Variants in SLC18A1 observed in about 807,000 individuals in gnomAD.
SLC18A1 encodes chromaffin granule amine transporter.
Under a neutral mutation model 53.7 loss-of-function variants are expected in SLC18A1, and 69 were observed. The observed-to-expected ratio is 1.28, with a 90% confidence interval of 1.06 to 1.57. The LOEUF (loss-of-function observed/expected upper bound fraction) is 1.57, where lower values mean the gene tolerates loss of function less well. Among genes scored for constraint, SLC18A1 ranks in the 40% most tolerant of loss-of-function variants. The pLI, the probability that SLC18A1 is intolerant of heterozygous loss-of-function variation, is 0.00. For synonymous variants in SLC18A1, 320 were observed against 248.1 expected, an observed-to-expected ratio of 1.29 and a Z score of -2.72; for missense variants, 932 against 668.1, an observed-to-expected ratio of 1.40 and a Z score of -4.35.
Position 20,165,117 on chromosome 8 carries a change from T to C in SLC18A1, c.859-10A>G, listed in dbSNP as rs1347762686. 3 of 1,613,042 alleles carry C rather than the reference T, an allele frequency of 1.9e-6. No homozygotes were observed. The highest frequency in any genetic ancestry group is 2.2e-5 in the East Asian group (1 of 44,870). On this transcript the variant is annotated splice_polypyrimidine_tract_variant and intron_variant, in intron 8 of 15. Transcript: ENST00000276373. Reference sequence around the variant, plus strand: ...GAGTCCCCTTGGCACTCTGAGAACATGGATAACAAAAAATGTCCATTTGTA... The same window carrying C: ...GAGTCCCCTTGGCACTCTGAGAACACGGATAACAAAAAATGTCCATTTGTA...
At chr8:20,164,092 T>G (rs1370861089) in intron 10 of SLC18A1, among the ~76,000 whole-genome samples, 1 of 152,188 alleles carries the variant, frequency 6.6e-6, no homozygotes, top group Non-Finnish European at 1.5e-5. Flanking sequence ...TTAGATTTAG[T>G]GCTTTTTATT....
chr8:20,147,504 A>C, intron 14 of SLC18A1, 99 bp downstream of exon 14: 1 of 1,583,314 alleles, frequency 6.3e-7, no homozygotes, highest in Non-Finnish European at 8.6e-7. Context: ...TCTCAGCGTC[A>C]AAGATCTCCA....
intron 1 of SLC18A1, among the ~76,000 whole-genome samples, 176 bp from the exon 2 acceptor site, chr8:20,181,263 TTAATTTCCCTTGAATTTAA>T (rs1175965066): frequency 6.6e-6 from 1 of 152,198 alleles, no homozygotes; most frequent in African/African-American, 2.4e-5. Context: ...TATCTAGCCA[TTAATTTCCCTTGAATTTAA>T]TGGCTAGGTA....
Position 20,145,786 on chromosome 8 carries a change from C to T in SLC18A1, c.1555G>A (p.Glu519Lys), listed in dbSNP as rs1183221186. 8.1e-6 allele frequency: 13 copies of T among 1,610,578 alleles called. No individual in the cohort carries two copies. The highest frequency in any genetic ancestry group is 1.0e-5 in the Non-Finnish European group (12 of 1,178,328). The change falls in exon 16 of 16, where the codon GAG becomes AAG. Residue 519 changes from glutamate (E) to lysine (K), a missense_variant. Physicochemically the swap from Glu to Lys is moderately conservative, Grantham distance 56. Transcript: ENST00000276373. The stretch of plus-strand genomic sequence containing the variant: ...TGCTACTCCTCATGGTCAGGCTCCT[C>T]ATCACTGTCCTCCCCCAGAGGAAAT... ...KEFPLGEDSD[E>K]EPDHEE
intron 10 of SLC18A1, among the ~76,000 whole-genome samples, chr8:20,160,968 G>A (rs958478815): frequency 1.3e-5 from 2 of 152,134 alleles, no homozygotes; most frequent in African/African-American, 4.8e-5. Context: ...CATAAAGGTG[G>A]TGCCCCTAGG....
Position 20,145,792 on chromosome 8 carries a change from T to G in SLC18A1, c.1549A>C (p.Ser517Arg). The G allele has an allele frequency of 1.2e-6, 2 of 1,611,636 alleles. No individual in the cohort carries two copies. The highest frequency in any genetic ancestry group is 1.7e-6 in the Non-Finnish European group (2 of 1,178,804). Residue 517 changes from serine (S) to arginine (R), a missense_variant, in exon 16 of 16, where the codon AGT (serine) becomes CGT (arginine). Ser to Arg is a moderately radical substitution (Grantham distance 110). Transcript: ENST00000276373. ...PTKEFPLGED[S>R]DEEPDHEE ...TCCTCATGGTCAGGCTCCTCATCAC[T>G]GTCCTCCCCCAGAGGAAATTCCTTC...
chr8:20,149,577 T>C (rs968728838), intron 12 of SLC18A1, 99 bp downstream of exon 12: 3 of 990,990 alleles, frequency 3.0e-6, no homozygotes, highest in Admixed American at 2.4e-5. Context: ...TGTCTTTCTC[T>C]CTCTCTCTCT....
rs75463105 is a variant in SLC18A1 at position 20,178,351 on chromosome 8, G to A, written c.547+84C>T. Reference sequence around the variant, plus strand: ...AGTCAGATGCCTAATTACATTCTAGGTTACCCTGCTATCTACACCGCATTC... The same window carrying A: ...AGTCAGATGCCTAATTACATTCTAGATTACCCTGCTATCTACACCGCATTC... On this transcript the variant is annotated intron_variant, in intron 4 of 15. Transcript: ENST00000276373. 1,215 of 1,078,502 alleles carry A rather than the reference G, an allele frequency of 1.1e-3. 15 individuals are homozygous for A. In the African/African-American group the frequency reaches 0.018, roughly 16 times the overall value. The allele number at this position is 1,078,502 out of a possible 1,614,324, so 66.8% of individuals were successfully genotyped here.
At chr8:20,148,472 T>C in intron 12 of SLC18A1, 1 of 1,289,868 alleles carries the variant, frequency 7.8e-7, no homozygotes, top group Non-Finnish European at 1.0e-6. Context: ...TGTTTTCCAT[T>C]ATGGACATCA....
chr8:20,179,530 A>T, intron 2 of SLC18A1, 46 bp from the exon 3 acceptor site: 1 of 1,559,614 alleles, frequency 6.4e-7, no homozygotes, highest in Non-Finnish European at 8.7e-7. Context: ...GACCGATGTC[A>T]TCTTACCACT....
At chr8:20,178,412 A>G (rs1245805018) in intron 4 of SLC18A1, 23 bp downstream of exon 4, 19 of 1,597,608 alleles carry the variant, frequency 1.2e-5, no homozygotes, top group Non-Finnish European at 1.6e-5. Context: ...TGAAGGGAAG[A>G]AAAGAGGAAG....
At chr8:20,158,144 C>A (rs1476035142) in intron 10 of SLC18A1, among the ~76,000 whole-genome samples, 2 of 152,188 alleles carry the variant, frequency 1.3e-5, no homozygotes, top group Non-Finnish European at 2.9e-5. Context: ...GTATGCTTGA[C>A]CTTTGAGGGC....
intron 10 of SLC18A1, among the ~76,000 whole-genome samples, chr8:20,164,459 A>T (rs1243360511): frequency 6.6e-6 from 1 of 152,164 alleles, no homozygotes; most frequent in African/African-American, 2.4e-5. Flanking sequence ...TTTTCACCTC[A>T]TATGTCATTT....
chr8:20,164,071 C>T (rs963383873), intron 10 of SLC18A1, among the ~76,000 whole-genome samples: 1 of 151,606 alleles, frequency 6.6e-6, no homozygotes, highest in Non-Finnish European at 1.5e-5. Flanking sequence ...CTTAGAATTG[C>T]CCCCCCAAAA....
intron 8 of SLC18A1, among the ~76,000 whole-genome samples, chr8:20,166,292 T>C (rs1380818316): frequency 2.4e-5 from 2 of 82,900 alleles, no homozygotes; most frequent in African/African-American, 1.1e-4. Flanking sequence ...TGTGTGTCTA[T>C]ATATATATAT....
chr8:20,158,892 T>C (rs900276600), intron 10 of SLC18A1, among the ~76,000 whole-genome samples: 2 of 152,162 alleles, frequency 1.3e-5, no homozygotes, highest in African/African-American at 4.8e-5. Context: ...AGACCCTCTG[T>C]ACCCATACTT....
chr8:20,176,117 T>C (rs903177715), intron 4 of SLC18A1, among the ~76,000 whole-genome samples: 3 of 152,170 alleles, frequency 2.0e-5, no homozygotes, highest in Non-Finnish European at 4.4e-5. Context: ...TCCCCGGTGT[T>C]GGAGATGGGG....
intron 10 of SLC18A1, among the ~76,000 whole-genome samples, chr8:20,162,679 A>G (rs2128873427): frequency 6.6e-6 from 1 of 152,270 alleles, no homozygotes; most frequent in South Asian, 2.1e-4. Flanking sequence ...CTAGTGTCCA[A>G]TACCTTGTTC....
chr8:20,157,744 T>C (rs370518405), intron 10 of SLC18A1, among the ~76,000 whole-genome samples: 58 of 152,270 alleles, frequency 3.8e-4, no homozygotes, highest in African/African-American at 1.3e-3. Context: ...GAAACCCTAC[T>C]GAACTTGGCA....
Sources: gnomAD v4.1 joint callset for allele counts (sites outside exome capture counted in the v4.1 genomes callset) on GRCh38, gnomAD v4.1.1 for gene constraint, MANE v1.5 for transcripts, NCBI Gene and HGNC (gene_info 2026-07-23, HGNC 2026-07-21) for gene names.